NRG3: variants seen among roughly 807,000 people sequenced by gnomAD.
NRG3 encodes neuregulin 3, also known as pro-neuregulin-3, membrane-bound isoform.
In NRG3, 31 loss-of-function variants were observed where a neutral mutation model predicts 66.9. The observed-to-expected ratio is 0.46, with a 90% confidence interval of 0.35 to 0.63. The LOEUF is 0.63. Among genes scored for constraint, NRG3 ranks in the 20% least tolerant of loss-of-function variants. The pLI is 0.00. For synonymous variants in NRG3, 393 were observed against 359.4 expected (o/e 1.09, Z -1.06); for missense variants, 910 against 878.9 (o/e 1.04, Z -0.45).
rs564454103 is a variant in NRG3 at position 82,980,182 on chromosome 10, G to A, written c.1583+1062G>A. On this transcript the variant is annotated intron_variant, in intron 8 of 8. Coordinates refer to ENST00000372141, the MANE Select transcript of NRG3 (RefSeq NM_001010848.4). ...ATGGTGCTACTGGACTCCAACCTGG[G>A]TGACAGAGTGAGACCCTATCTCAAA... Among the ~76,000 whole-genome samples, 6 of 151,188 alleles carry A rather than the reference G, an allele frequency of 4.0e-5. No individual in the cohort carries two copies. The South Asian group carries it at 1.3e-3, about 32-fold the overall frequency.
At chr10:82,101,663 A>C (rs1202018471) in intron 1 of NRG3, among the ~76,000 whole-genome samples, 1 of 151,828 alleles carries the variant, frequency 6.6e-6, no homozygotes, top group Non-Finnish European at 1.5e-5. Flanking sequence ...ATTGATTTAC[A>C]GTTCAACTCT....
intron 1 of NRG3, among the ~76,000 whole-genome samples, chr10:82,095,611 C>T: frequency 6.6e-6 from 1 of 152,146 alleles, no homozygotes; most frequent in Non-Finnish European, 1.5e-5. Context: ...GAAGTGAAAT[C>T]AGTGATATCC....
intron 1 of NRG3, among the ~76,000 whole-genome samples, chr10:81,941,415 GATGATTCT>G (rs1267554745): frequency 1.3e-5 from 2 of 152,112 alleles, no homozygotes; most frequent in African/African-American, 4.8e-5. Context: ...GAGGAAGATG[GATGATTCT>G]AGGCAATTTA....
chr10:82,586,685 T>C (rs2046689458), intron 2 of NRG3, among the ~76,000 whole-genome samples: 1 of 152,222 alleles, frequency 6.6e-6, no homozygotes, highest in Non-Finnish European at 1.5e-5. Context: ...TTAGATTCTA[T>C]TCACCATCTT....
At chr10:82,954,628 A>G (rs1477704494) in intron 5 of NRG3, among the ~76,000 whole-genome samples, 1 of 151,864 alleles carries the variant, frequency 6.6e-6, no homozygotes, top group Non-Finnish European at 1.5e-5. Flanking sequence ...CTGAAATTGG[A>G]TTAGCTATAT....
intron 2 of NRG3, among the ~76,000 whole-genome samples, chr10:82,500,668 G>T (rs950800850): frequency 6.6e-6 from 1 of 152,148 alleles, no homozygotes; most frequent in African/African-American, 2.4e-5. Context: ...GCTTGTGTCT[G>T]TTCTAAACAG....
At chr10:82,372,889 T>A (rs1013437315) in intron 2 of NRG3, among the ~76,000 whole-genome samples, 2 of 152,334 alleles carry the variant, frequency 1.3e-5, no homozygotes, top group Non-Finnish European at 2.9e-5. Flanking sequence ...CCACCACACC[T>A]GGCCTGTATT....
intron 4 of NRG3, among the ~76,000 whole-genome samples, chr10:82,922,745 C>T (rs1438044922): frequency 2.6e-5 from 4 of 152,060 alleles, no homozygotes; most frequent in Admixed American, 1.3e-4. Context: ...AACCAGAGGG[C>T]ATGTTACTTC....
intron 2 of NRG3, among the ~76,000 whole-genome samples, chr10:82,608,657 C>G (rs1200376840): frequency 6.6e-6 from 1 of 152,084 alleles, no homozygotes; most frequent in African/African-American, 2.4e-5. Context: ...ACAATTTGTT[C>G]TCAACCCCTC....
intron 1 of NRG3, among the ~76,000 whole-genome samples, chr10:82,080,976 A>G (rs2065361356): frequency 6.6e-6 from 1 of 152,118 alleles, no homozygotes; most frequent in Admixed American, 6.6e-5. Flanking sequence ...GGATGCTTTG[A>G]GTGTTCTGGG....
intron 2 of NRG3, among the ~76,000 whole-genome samples, chr10:82,411,500 A>T (rs2088086095): frequency 6.6e-6 from 1 of 152,102 alleles, no homozygotes; most frequent in African/African-American, 2.4e-5. Flanking sequence ...CAAACATCAA[A>T]TGAAGGCATC....
intron 2 of NRG3, among the ~76,000 whole-genome samples, chr10:82,682,804 TA>T (rs1416408902): frequency 6.6e-6 from 1 of 152,162 alleles, no homozygotes; most frequent in African/African-American, 2.4e-5. Context: ...TCTATACATG[TA>T]ATCTATGATT....
intron 2 of NRG3, among the ~76,000 whole-genome samples, chr10:82,649,244 C>T (rs1318392641): frequency 6.6e-6 from 1 of 152,118 alleles, no homozygotes; most frequent in Admixed American, 6.5e-5. Flanking sequence ...CAAAGAGACA[C>T]CCCTCTACCT....
chr10:81,986,611 T>C (rs1564714117), intron 1 of NRG3, among the ~76,000 whole-genome samples: 1 of 152,238 alleles, frequency 6.6e-6, no homozygotes, highest in Non-Finnish European at 1.5e-5. Flanking sequence ...AAGGTTATTG[T>C]ACTTACCATG....
At chr10:82,408,129 AAGAAAGAAAG>A (rs2087749031) in intron 2 of NRG3, among the ~76,000 whole-genome samples, 1 of 128,986 alleles carries the variant, frequency 7.8e-6, no homozygotes, top group Admixed American at 8.5e-5. Context: ...GAAAGAAAGA[AAGAAAGAAAG>A]AAAGAAAAGA....
chr10:82,703,804 C>T (rs1420324688), intron 2 of NRG3, among the ~76,000 whole-genome samples: 1 of 152,072 alleles, frequency 6.6e-6, no homozygotes, highest in Non-Finnish European at 1.5e-5. Flanking sequence ...CACAAGAGAC[C>T]TTCTTTTTGG....
At chr10:82,659,663 A>G (rs905362940) in intron 2 of NRG3, among the ~76,000 whole-genome samples, 2 of 152,146 alleles carry the variant, frequency 1.3e-5, no homozygotes, top group African/African-American at 4.8e-5. Flanking sequence ...AGCAAAACAA[A>G]GCAAAACAGA....
At chr10:82,913,052 C>T (rs1247219717) in intron 4 of NRG3, among the ~76,000 whole-genome samples, 3 of 152,020 alleles carry the variant, frequency 2.0e-5, no homozygotes, top group Non-Finnish European at 4.4e-5. Context: ...GGTGAAACCC[C>T]GTCTCTACTA....
chr10:82,377,716 C>T (rs1385531984), intron 2 of NRG3, among the ~76,000 whole-genome samples: 1 of 152,154 alleles, frequency 6.6e-6, no homozygotes. Context: ...ACCTAGAGAA[C>T]AGTCATGGTG....
Sources: allele counts gnomAD v4.1 joint callset (sites outside exome capture counted in the v4.1 genomes callset), GRCh38; gene constraint gnomAD v4.1.1; transcripts MANE v1.5; gene names NCBI Gene and HGNC (gene_info 2026-07-23, HGNC 2026-07-21).